ATP8B4: variants seen among roughly 807,000 people sequenced by gnomAD.
ATP8B4 encodes ATPase phospholipid transporting 8B4 (putative).
ATP8B4 carries 133 observed loss-of-function variants against 145.6 expected under a neutral mutation model. That is an observed-to-expected ratio of 0.91 (90% CI 0.79 to 1.05). The LOEUF (loss-of-function observed/expected upper bound fraction) is 1.05. Ranked by LOEUF, ATP8B4 falls within the 50% of genes least tolerant of loss-of-function variation. The pLI is 0.00. For synonymous variants in ATP8B4, 507 were observed against 492.9 expected, an observed-to-expected ratio of 1.03 and a Z score of -0.38; for missense variants, 1,458 against 1,425.2, an observed-to-expected ratio of 1.02 and a Z score of -0.37.
intron 27 of ATP8B4, among the ~76,000 whole-genome samples, chr15:49,861,063 C>T (rs2031612039): frequency 2.2e-5 from 2 of 89,532 alleles, no homozygotes; most frequent in South Asian, 6.1e-4. Flanking sequence ...GAGAAAAAGA[C>T]CTGAGGTTTG....
At chr15:49,987,590 C>T in intron 9 of ATP8B4, 41 bp from the exon 10 acceptor site, 2 of 1,581,818 alleles carry the variant, frequency 1.3e-6, no homozygotes, top group East Asian at 2.3e-5. Context: ...TTATGACTCA[C>T]CCAAAATTCT....
chr15:50,146,635 T>C (rs748551006), intron 1 of ATP8B4, among the ~76,000 whole-genome samples: 1 of 152,214 alleles, frequency 6.6e-6, no homozygotes, highest in Non-Finnish European at 1.5e-5. Flanking sequence ...CTTGCTGGTG[T>C]TGCAGGACTT....
intron 10 of ATP8B4, among the ~76,000 whole-genome samples, chr15:49,982,223 T>A (rs1487090908): frequency 6.6e-6 from 1 of 152,036 alleles, no homozygotes; most frequent in African/African-American, 2.4e-5. Context: ...GACAGGCACA[T>A]CCTTAAAAGA....
At chr15:50,167,965 T>G (rs1428878031) in intron 1 of ATP8B4, among the ~76,000 whole-genome samples, 1 of 152,180 alleles carries the variant, frequency 6.6e-6, no homozygotes, top group Admixed American at 6.5e-5. Flanking sequence ...ATATTTGGGC[T>G]GAATATTTAC....
intron 5 of ATP8B4, among the ~76,000 whole-genome samples, chr15:50,043,777 C>T (rs973457665): frequency 1.9e-4 from 28 of 151,320 alleles, no homozygotes; most frequent in African/African-American, 6.6e-4. Context: ...CAAGGTGAAA[C>T]CCCGTCTCTA....
intron 3 of ATP8B4, among the ~76,000 whole-genome samples, chr15:50,072,334 T>C (rs1371463440): frequency 6.6e-6 from 1 of 152,150 alleles, no homozygotes; most frequent in Admixed American, 6.5e-5. Context: ...ACATATCACC[T>C]ACAGAAACTA....
At chr15:49,984,139 CT>C (rs1220698372) in intron 10 of ATP8B4, among the ~76,000 whole-genome samples, 4 of 152,152 alleles carry the variant, frequency 2.6e-5, no homozygotes, top group Non-Finnish European at 5.9e-5. Context: ...AAATTAGGTA[CT>C]ATTATCCTCA....
chr15:50,178,881 G>A (rs1234517214), intron 1 of ATP8B4, among the ~76,000 whole-genome samples: 1 of 152,016 alleles, frequency 6.6e-6, no homozygotes, highest in Non-Finnish European at 1.5e-5. Context: ...ATGGGGGAGG[G>A]GGTTGTTCTT....
At chr15:50,122,953 C>T (rs980042481), upstream of ATP8B4, among the ~76,000 whole-genome samples, 6 of 152,066 alleles carry the variant, frequency 3.9e-5, no homozygotes, top group Admixed American at 3.9e-4. Context: ...ATGAGATATT[C>T]ATTAAATAAA....
At chr15:50,112,431 G>A (rs2056990693) in intron 1 of ATP8B4, among the ~76,000 whole-genome samples, 4 of 152,060 alleles carry the variant, frequency 2.6e-5, no homozygotes, top group Admixed American at 2.6e-4. Flanking sequence ...GGAAAAAGCA[G>A]GCCAAGGAGG....
chr15:49,880,282 G>C (rs1328791829), intron 23 of ATP8B4: 2 of 152,180 alleles, frequency 1.3e-5, no homozygotes, highest in South Asian at 4.1e-4. Context: ...GATAAGACCT[G>C]AAGGAAATGG....
rs771838122 is a variant in ATP8B4 at position 49,876,518 on chromosome 15, C to G, written c.2787G>C (p.Val929=). 2 of 1,613,986 alleles carry G rather than the reference C, an allele frequency of 1.2e-6. No homozygotes were observed. Among genetic ancestry groups the G allele is most frequent in the South Asian group, 2.2e-5 (2 of 91,070 alleles). The change falls in exon 25 of 28, where the codon GTG becomes GTC. Residue 929 remains valine (V), a synonymous_variant. Transcript: ENST00000284509. ...VLAMGIFDQD[V]SDQNSVDCPQ... is the part of the protein sequence containing the mutation. The stretch of plus-strand genomic sequence containing the variant: ...GACAGTCCACGCTGTTCTGGTCACT[C>G]ACATCCTGTAAACAGAGTGTAATTT...
intron 14 of ATP8B4, among the ~76,000 whole-genome samples, chr15:49,950,016 G>A (rs557702912): frequency 6.6e-6 from 1 of 152,278 alleles, no homozygotes; most frequent in South Asian, 2.1e-4. Context: ...AAGCTGACTT[G>A]ATCATGGTGG....
intron 6 of ATP8B4, among the ~76,000 whole-genome samples, chr15:50,013,594 T>C (rs947749944): frequency 6.6e-6 from 1 of 152,080 alleles, no homozygotes; most frequent in African/African-American, 2.4e-5. Context: ...TAAGATAGCC[T>C]TTACCTTAGC....
At chr15:49,921,273 A>G (rs2040231925) in intron 17 of ATP8B4, among the ~76,000 whole-genome samples, 1 of 152,208 alleles carries the variant, frequency 6.6e-6, no homozygotes, top group Non-Finnish European at 1.5e-5. Context: ...TACCATTATC[A>G]AGTCAGCTTA....
intron 1 of ATP8B4, among the ~76,000 whole-genome samples, chr15:50,131,683 T>TA (rs1187774972): frequency 1.3e-5 from 2 of 151,218 alleles, no homozygotes; most frequent in Admixed American, 1.3e-4. Context: ...AGCATTGATA[T>TA]ACTTCAAACT....
intron 6 of ATP8B4, among the ~76,000 whole-genome samples, chr15:50,015,657 T>C (rs1033758374): frequency 6.6e-6 from 1 of 152,202 alleles, no homozygotes; most frequent in Admixed American, 6.5e-5. Flanking sequence ...AAACACTCAG[T>C]GGACAGCAGC....
chr15:50,068,580 G>GA (rs981204612), intron 3 of ATP8B4, among the ~76,000 whole-genome samples: 3 of 151,976 alleles, frequency 2.0e-5, no homozygotes, highest in African/African-American at 4.8e-5. Flanking sequence ...CTCCACTCAG[G>GA]AAAAAAATCC....
At chr15:49,993,023 T>G (rs2047156200) in intron 9 of ATP8B4, among the ~76,000 whole-genome samples, 1 of 152,044 alleles carries the variant, frequency 6.6e-6, no homozygotes, top group Admixed American at 6.6e-5. Context: ...TGATATTTCA[T>G]TAGGACAAAG....
Sources: gnomAD v4.1 joint callset for allele counts (sites outside exome capture counted in the v4.1 genomes callset) on GRCh38, gnomAD v4.1.1 for gene constraint, MANE v1.5 for transcripts, NCBI Gene and HGNC (gene_info 2026-07-23, HGNC 2026-07-21) for gene names.